MED12L: variants seen among roughly 807,000 people sequenced by gnomAD.
The protein encoded by MED12L is mediator complex subunit 12L, also known as mediator of RNA polymerase II transcription subunit 12-like protein.
Under a neutral mutation model 281.3 loss-of-function variants are expected in MED12L, and 60 were observed. The observed-to-expected ratio is 0.21, with a 90% CI of 0.17 to 0.26. The LOEUF is 0.26. Ranked by LOEUF, MED12L falls within the 10% of genes least tolerant of loss-of-function variation. The pLI, the probability that MED12L is intolerant of heterozygous loss-of-function variation, is 1.00. For missense variants in MED12L, 2,146 were observed against 2,680.9 expected, an observed-to-expected ratio of 0.80 and a Z score of 4.41; for synonymous variants, 974 against 987.2, an observed-to-expected ratio of 0.99 and a Z score of 0.25.
chr3:151,424,694 A>G lies in MED12L; in HGVS notation c.6409-5605A>G, dbSNP rs75758603. ...GTTACCTTGAAAATAAACACACAAA[A>G]AATTCTGAAACACATCAGCTGCTAG... On this transcript the variant is annotated intron_variant, in intron 43 of 44. Coordinates refer to ENST00000687756, the MANE Select transcript of MED12L (RefSeq NM_001393769.1). Among the ~76,000 whole-genome samples the G allele has an allele frequency of 3.5e-3, 529 of 152,254 alleles. 1 individual carries two copies. The highest frequency in any genetic ancestry group is 0.012 in the African/African-American group (512 of 41,552).
intron 43 of MED12L, among the ~76,000 whole-genome samples, chr3:151,424,831 C>T (rs371658515): frequency 5.3e-5 from 8 of 152,240 alleles, no homozygotes; most frequent in East Asian, 1.9e-4. Flanking sequence ...CTTGTAGGGA[C>T]GGACGACCAT....
At chr3:151,089,029 C>T (rs1719666615) in intron 2 of MED12L, among the ~76,000 whole-genome samples, 1 of 152,102 alleles carries the variant, frequency 6.6e-6, no homozygotes, top group Non-Finnish European at 1.5e-5. Flanking sequence ...GTTTCCTAAG[C>T]TTTAGTTATT....
At chr3:151,406,883 C>T (rs749364283) in intron 39 of MED12L, among the ~76,000 whole-genome samples, 27 of 151,316 alleles carry the variant, frequency 1.8e-4, no homozygotes, top group Non-Finnish European at 3.7e-4. Flanking sequence ...TCACTGCAAC[C>T]TCTGCCTCCC....
intron 5 of MED12L, among the ~76,000 whole-genome samples, chr3:151,146,789 TGTACCAACAGCC>T (rs1245206222): frequency 1.8e-4 from 28 of 152,316 alleles, no homozygotes; most frequent in African/African-American, 6.3e-4. Flanking sequence ...ATTTCCACTG[TGTACCAACAGCC>T]CATCCCCACC....
At position 151,434,100 on chromosome 3, in the gene MED12L, T is replaced by C. The variant is rs1029855378; in HGVS notation, c.*1296T>C. On this transcript the variant is annotated 3_prime_UTR_variant, in exon 45 of 45. Coordinates refer to ENST00000687756, the MANE Select transcript of MED12L (RefSeq NM_001393769.1). ...AAATTGCAGGGCATTTTAAAACATA[T>C]GTGGGGGATATTTTCCCATGTTCTC... The C allele has an allele frequency of 6.6e-6, 1 of 152,430 alleles. No individual in the cohort carries two copies. The highest frequency in any genetic ancestry group is 2.4e-5 in the African/African-American group (1 of 41,450). 9.4% of individuals were successfully genotyped at this position (152,430 alleles called of 1,614,324 possible).
chr3:151,220,079 A>G (rs1729042801), intron 16 of MED12L, among the ~76,000 whole-genome samples: 2 of 149,012 alleles, frequency 1.3e-5, no homozygotes, highest in South Asian at 2.2e-4. Context: ...GAGCTGTCCT[A>G]TGCATTGTAA....
intron 4 of MED12L, among the ~76,000 whole-genome samples, 180 bp downstream of exon 4, chr3:151,123,154 T>C (rs1714012438): frequency 6.6e-6 from 1 of 152,202 alleles, no homozygotes; most frequent in African/African-American, 2.4e-5. Flanking sequence ...TTGCATGTAG[T>C]GCCTAGGACA....
At chr3:151,414,165 C>A (rs571793923) in intron 42 of MED12L, among the ~76,000 whole-genome samples, 8 of 152,208 alleles carry the variant, frequency 5.3e-5, no homozygotes, top group Admixed American at 1.3e-4. Flanking sequence ...TTGATATGTT[C>A]TTGTTTCTGA....
intron 16 of MED12L, among the ~76,000 whole-genome samples, chr3:151,349,852 C>CT (rs112308445): frequency 0.28 from 39,343 of 139,594 alleles, 5,904 homozygotes; most frequent in East Asian, 0.5. Flanking sequence ...TCAGTTGACA[C>CT]TTTTTTTTTT....
intron 16 of MED12L, among the ~76,000 whole-genome samples, chr3:151,202,618 T>C (rs1398374568): frequency 6.6e-6 from 1 of 152,122 alleles, no homozygotes; most frequent in African/African-American, 2.4e-5. Flanking sequence ...TGAAGTGAGC[T>C]GAGATCGCAC....
At position 151,158,055 on chromosome 3, in the gene MED12L, G is replaced by C. The variant is rs551158637; in HGVS notation, c.727-634G>C. Among the ~76,000 whole-genome samples the C allele has an allele frequency of 2.1e-4, 32 of 152,276 alleles. 1 individual carries two copies. The South Asian group carries it at 3.3e-3, about 16-fold the overall frequency. ...TGTAGTGCTTATATCAAGATTAGTGGTCTCTATAGGGTCTGTGTCACCCCC... is the reference window on the plus strand; with the variant it reads ...TGTAGTGCTTATATCAAGATTAGTGCTCTCTATAGGGTCTGTGTCACCCCC... On this transcript the variant is annotated intron_variant, in intron 6 of 44. Transcript: ENST00000687756.
Position 151,321,413 on chromosome 3 carries a change from G to GA in MED12L, c.2251-28643dup, listed in dbSNP as rs545298994. Reference sequence around the variant, plus strand: ...ACAGTTTGGGCATTTTTGGACTTAGGAAACTCAGTTGTACAGTTAAATAGA... The same window carrying GA: ...ACAGTTTGGGCATTTTTGGACTTAGGAAAACTCAGTTGTACAGTTAAATAGA... On this transcript the variant is annotated intron_variant, in intron 16 of 44. Coordinates refer to ENST00000687756, the MANE Select transcript of MED12L (RefSeq NM_001393769.1). Among the ~76,000 whole-genome samples the GA allele has an allele frequency of 2.6e-4, 39 of 152,122 alleles. No homozygotes were observed. In the East Asian group the frequency reaches 7.0e-3, roughly 27 times the overall value.
At chr3:151,413,705 A>G (rs754393497) in intron 42 of MED12L, among the ~76,000 whole-genome samples, 2 of 152,224 alleles carry the variant, frequency 1.3e-5, no homozygotes, top group Non-Finnish European at 2.9e-5. Context: ...TCTGCAATCT[A>G]AAAACATTTC....
chr3:151,292,490 T>G (rs1744390468), intron 16 of MED12L, among the ~76,000 whole-genome samples: 1 of 151,904 alleles, frequency 6.6e-6, no homozygotes, highest in African/African-American at 2.4e-5. Context: ...GGTTTCACCA[T>G]GTTGGTCAGG....
Position 151,355,156 on chromosome 3 carries a change from C to G in MED12L, c.2434C>G (p.Gln812Glu), listed in dbSNP as rs781708392. ...AGGACAAAAAGCCAGGAAGAACAAA[C>G]AGGAGACATTTCCAACACTGGAGAC... ...DEGQKARKNK[Q>E]ETFPTLETVF... The change falls in exon 18 of 45, where the codon CAG (glutamine) becomes GAG (glutamate). Residue 812 changes from glutamine (Q) to glutamate (E), a missense_variant. Gln to Glu is a conservative substitution (Grantham distance 29). Coordinates refer to ENST00000687756, the MANE Select transcript of MED12L (RefSeq NM_001393769.1). The G allele has an allele frequency of 1.2e-6, 2 of 1,613,840 alleles. No homozygotes were observed. The highest frequency in any genetic ancestry group is 1.7e-6 in the Non-Finnish European group (2 of 1,179,904).
chr3:151,142,027 A>G (rs1373549552), intron 5 of MED12L, among the ~76,000 whole-genome samples: 1 of 152,236 alleles, frequency 6.6e-6, no homozygotes, highest in Non-Finnish European at 1.5e-5. Context: ...ATATACGTGC[A>G]TACTTGGAAG....
intron 16 of MED12L, among the ~76,000 whole-genome samples, chr3:151,207,165 C>A (rs1240033363): frequency 6.6e-6 from 1 of 151,936 alleles, no homozygotes; most frequent in Non-Finnish European, 1.5e-5. Context: ...TCAAGCAATC[C>A]TGTTGCATCA....
chr3:151,198,147 C>G (rs1259421411), intron 16 of MED12L: 1 of 254,640 alleles, frequency 3.9e-6, no homozygotes, highest in East Asian at 7.4e-5. Flanking sequence ...TCATGGACCT[C>G]TTTTGGATTT....
chr3:151,313,887 G>A (rs1291974807), intron 16 of MED12L, among the ~76,000 whole-genome samples: 1 of 150,638 alleles, frequency 6.6e-6, no homozygotes, highest in Non-Finnish European at 1.5e-5. Context: ...TCACGCGACT[G>A]CACTCCAACC....
Sources: gnomAD v4.1 joint callset for allele counts (sites outside exome capture counted in the v4.1 genomes callset) on GRCh38, gnomAD v4.1.1 for gene constraint, MANE v1.5 for transcripts, NCBI Gene and HGNC (gene_info 2026-07-23, HGNC 2026-07-21) for gene names.